FHL2: variants seen among roughly 807,000 people sequenced by gnomAD.
FHL2 encodes four and a half LIM domains protein 2.
Under a neutral mutation model 32.7 loss-of-function variants are expected in FHL2, and 20 were observed. The observed-to-expected ratio is 0.61, with a 90% CI of 0.43 to 0.89. FHL2 has a LOEUF of 0.89. Ranked by LOEUF, FHL2 falls within the 40% of genes least tolerant of loss-of-function variation. The pLI, the probability that FHL2 is intolerant of heterozygous loss-of-function variation, is 0.00. For missense variants in FHL2, 311 were observed against 358.6 expected (o/e 0.87, Z 1.07); for synonymous variants, 123 against 128.1 (o/e 0.96, Z 0.27).
upstream of FHL2, chr2:105,399,620 G>A (rs1683388637): frequency 1.3e-6 from 2 of 1,520,494 alleles, no homozygotes; most frequent in South Asian, 2.5e-5. Context: ...GGGGCCAGAA[G>A]ACTAGTTAGA....
intron 4 of FHL2, 67 bp from the exon 5 acceptor site, chr2:105,367,806 G>A (rs1680744955): frequency 1.3e-6 from 2 of 1,497,798 alleles, no homozygotes; most frequent in Non-Finnish European, 1.8e-6. Context: ...CCAGCAATCT[G>A]CCTTCAGAGC....
intron 1 of FHL2, among the ~76,000 whole-genome samples, chr2:105,418,647 A>G (rs1049769342): frequency 6.6e-6 from 1 of 152,096 alleles, no homozygotes; most frequent in Non-Finnish European, 1.5e-5. Context: ...TTCTTCAAGG[A>G]TATATCTCTC....
At chr2:105,368,325 C>G (rs908210771) in intron 4 of FHL2, among the ~76,000 whole-genome samples, 1 of 152,094 alleles carries the variant, frequency 6.6e-6, no homozygotes, top group Non-Finnish European at 1.5e-5. Context: ...TAATTAAAAC[C>G]TACATGTAGT....
rs1219681089 is a variant in FHL2 at position 105,399,020 on chromosome 2, G to A, written c.-254C>T. 5.2e-5 allele frequency: 78 copies of A among 1,494,144 alleles called. No homozygotes were observed. The highest frequency in any genetic ancestry group is 6.8e-5 in the Non-Finnish European group (77 of 1,125,076). 92.6% of individuals were successfully genotyped at this position (1,494,144 alleles called of 1,614,324 possible). ...CGGACGGGGCTGGAGGGCGCGGGCG[G>A]CTGGTGGCTGCGGCTCCGCTGCCGG... On this transcript the variant is annotated 5_prime_UTR_variant, in exon 1 of 7. Transcript: ENST00000530340.
At chr2:105,413,470 G>GA (rs898106267) in intron 1 of FHL2, among the ~76,000 whole-genome samples, 51 of 146,494 alleles carry the variant, frequency 3.5e-4, no homozygotes, top group Middle Eastern at 3.5e-3. Flanking sequence ...TAAGATATCA[G>GA]AAAAAAAAAA....
chr2:105,373,808 C>G, intron 3 of FHL2, 75 bp from the exon 4 acceptor site: 3 of 1,475,168 alleles, frequency 2.0e-6, no homozygotes, highest in Non-Finnish European at 1.9e-6. Flanking sequence ...GGGCCCCTTG[C>G]GAATCTGCAG....
At chr2:105,358,131 C>T (rs1680087774), downstream of FHL2, 1 of 152,196 alleles carries the variant, frequency 6.6e-6, no homozygotes, top group Non-Finnish European at 1.5e-5. Context: ...CTACTAATAG[C>T]ATGGAGTTAC....
Position 105,426,356 on chromosome 2 carries a change from T to C in FHL2, c.-25+12043A>G, listed in dbSNP as rs144520619. Among the ~76,000 whole-genome samples, 306 of 152,364 alleles carry C rather than the reference T, an allele frequency of 2.0e-3. 1 individual carries two copies. The highest frequency in any genetic ancestry group is 6.7e-3 in the African/African-American group (280 of 41,588). On this transcript the variant is annotated intron_variant, in intron 1 of 5. Transcript: ENST00000393352. ...CGTATAAAAGTAATTGCATCTATGT[T>C]ACCTTAACCAGGCTCCATAATTCAA... is the stretch of plus-strand genomic sequence containing the variant.
chr2:105,396,766 T>A, intron 1 of FHL2, 69 bp from the exon 2 acceptor site: 1 of 1,286,888 alleles, frequency 7.8e-7, no homozygotes, highest in Non-Finnish European at 1.1e-6. Flanking sequence ...TAATGCAACT[T>A]GAGATGGACA....
At chr2:105,396,598 A>G in intron 2 of FHL2, 49 bp downstream of exon 2, 1 of 1,557,822 alleles carries the variant, frequency 6.4e-7, no homozygotes, top group Middle Eastern at 1.7e-4. Flanking sequence ...ACAGTAGCTA[A>G]AACTGAAATC....
At chr2:105,410,250 G>A (rs1683752701) in intron 1 of FHL2, among the ~76,000 whole-genome samples, 1 of 152,242 alleles carries the variant, frequency 6.6e-6, no homozygotes, top group Admixed American at 6.5e-5. Flanking sequence ...GAGAACACCT[G>A]AGCAGTCTTA....
chr2:105,430,308 CTCT>C (rs1657806954), intron 1 of FHL2, among the ~76,000 whole-genome samples: 1 of 152,194 alleles, frequency 6.6e-6, no homozygotes, highest in African/African-American at 2.4e-5. Context: ...TCCTGTCCTC[CTCT>C]TGTTTCCTTT....
intron 1 of FHL2, among the ~76,000 whole-genome samples, chr2:105,420,462 G>A (rs953551419): frequency 6.6e-6 from 1 of 152,128 alleles, no homozygotes; most frequent in Non-Finnish European, 1.5e-5. Context: ...AGGCCATAGA[G>A]TTATTAGGAG....
chr2:105,363,196 G>C (rs1680395484), intron 6 of FHL2, 89 bp downstream of exon 6: 14 of 1,298,096 alleles, frequency 1.1e-5, no homozygotes, highest in African/African-American at 1.4e-5. Context: ...CTGGGGAGTT[G>C]AGGGATATAG....
chr2:105,368,358 G>T (rs996267591), intron 4 of FHL2, among the ~76,000 whole-genome samples: 8 of 151,984 alleles, frequency 5.3e-5, no homozygotes, highest in African/African-American at 1.9e-4. Context: ...TCGAGACAGG[G>T]TCTCACTCTG....
At chr2:105,413,688 C>T (rs563329416) in intron 1 of FHL2, among the ~76,000 whole-genome samples, 8 of 152,194 alleles carry the variant, frequency 5.3e-5, no homozygotes, top group South Asian at 2.1e-4. Flanking sequence ...CTATGTTGCC[C>T]GGGCTAGTCT....
chr2:105,386,375 C>T lies in FHL2; in HGVS notation c.142G>A (p.Gly48Ser), dbSNP rs777846521. Residue 48 changes from glycine to serine, a missense_variant, in exon 3 of 7, where the codon GGC becomes AGC. By Grantham distance (56) the Gly-to-Ser change is moderately conservative. Transcript: ENST00000530340. ...NTCEECGKPIGCDCKDLSYKD... is the reference protein window; with the variant it reads ...NTCEECGKPISCDCKDLSYKD... Reference sequence around the variant, plus strand: ...GCAGCAGGTACCTTGCAGTCACAGCCGATGGGCTTCCCACACTCCTCGCAG... The same window carrying T: ...GCAGCAGGTACCTTGCAGTCACAGCTGATGGGCTTCCCACACTCCTCGCAG... 7.2e-5 allele frequency: 116 copies of T among 1,613,892 alleles called. 1 individual carries two copies. The East Asian group carries it at 2.4e-3, about 34-fold the overall frequency.
intron 3 of FHL2, among the ~76,000 whole-genome samples, chr2:105,383,660 C>T (rs1682068632): frequency 6.6e-6 from 1 of 152,148 alleles, no homozygotes; most frequent in African/African-American, 2.4e-5. Flanking sequence ...GATTGGCCAC[C>T]AGACCTAAGA....
intron 3 of FHL2, chr2:105,375,787 C>T (rs1428357917): frequency 1.3e-5 from 2 of 152,246 alleles, no homozygotes; most frequent in Admixed American, 6.5e-5. Context: ...AATGCCCAAG[C>T]CCTCTTCATC....
Sources: allele counts gnomAD v4.1 joint callset (sites outside exome capture counted in the v4.1 genomes callset), GRCh38; gene constraint gnomAD v4.1.1; transcripts MANE v1.5; gene names NCBI Gene and HGNC (gene_info 2026-07-23, HGNC 2026-07-21).